DYM: variants seen among roughly 807,000 people sequenced by gnomAD.
DYM encodes dymeclin.
In DYM, 78 loss-of-function variants were observed where a neutral mutation model predicts 93.1. The ratio of observed to expected loss-of-function variants is 0.84; its 90% confidence interval spans 0.70 to 1.01. The LOEUF (loss-of-function observed/expected upper bound fraction) is 1.01. Among genes scored for constraint, DYM ranks in the 50% least tolerant of loss-of-function variants. The pLI is 0.00. For missense variants in DYM, 789 were observed against 845.0 expected (o/e 0.93, Z 0.82); for synonymous variants, 321 against 319.7 (o/e 1.00, Z -0.04).
At chr18:49,157,469 C>T (rs981817504) in intron 15 of DYM, among the ~76,000 whole-genome samples, 1 of 152,170 alleles carries the variant, frequency 6.6e-6, no homozygotes, top group Non-Finnish European at 1.5e-5. Context: ...GTGTTCAATT[C>T]TCATTATTAT....
At chr18:49,144,924 C>G (rs2084916775) in intron 15 of DYM, among the ~76,000 whole-genome samples, 1 of 151,124 alleles carries the variant, frequency 6.6e-6, no homozygotes, top group African/African-American at 2.4e-5. Context: ...CAGTGGGACC[C>G]TGCTGCATTT....
chr18:49,251,233 G>A (rs1397166125), intron 13 of DYM, among the ~76,000 whole-genome samples: 1 of 152,232 alleles, frequency 6.6e-6, no homozygotes, highest in East Asian at 1.9e-4. Context: ...ATACAGCAGT[G>A]TGCAGGGGTG....
intron 15 of DYM, among the ~76,000 whole-genome samples, chr18:49,136,859 T>G (rs953530599): frequency 2.6e-5 from 4 of 152,170 alleles, no homozygotes; most frequent in Non-Finnish European, 4.4e-5. Context: ...TTGCATTTCT[T>G]TAATCCACTC....
chr18:49,333,858 A>G lies in DYM; in HGVS notation c.495-5T>C. 1 of 1,605,310 alleles carries G rather than the reference A, an allele frequency of 6.2e-7. No homozygotes were observed. The highest frequency in any genetic ancestry group is 8.5e-7 in the Non-Finnish European group (1 of 1,173,972). ...GATATTTCATATGTAATATCTCTAA[A>G]ATGGAAGAAAAACAGAGTAACAGTC... On this transcript the variant is annotated splice_region_variant and splice_polypyrimidine_tract_variant and intron_variant, in intron 6 of 17. Transcript: ENST00000675505.
At chr18:49,364,005 CA>C (rs2066287381) in intron 5 of DYM, among the ~76,000 whole-genome samples, 1 of 152,138 alleles carries the variant, frequency 6.6e-6, no homozygotes, top group South Asian at 2.1e-4. Flanking sequence ...TATTTTTAAC[CA>C]ACTTCTTTTT....
At chr18:49,281,886 T>A in intron 10 of DYM, 111 bp downstream of exon 10, 1 of 1,035,922 alleles carries the variant, frequency 9.7e-7, no homozygotes, top group Non-Finnish European at 1.4e-6. Context: ...CACACCAACA[T>A]GGCACATGTA....
At chr18:49,085,579 G>C (rs893265150) in intron 17 of DYM, among the ~76,000 whole-genome samples, 1 of 147,364 alleles carries the variant, frequency 6.8e-6, no homozygotes, top group Non-Finnish European at 1.5e-5. Flanking sequence ...AGTCAAAATT[G>C]AGGCAGATGA....
chr18:49,206,398 A>C (rs2092505387), intron 14 of DYM: 2 of 152,434 alleles, frequency 1.3e-5, no homozygotes, highest in Middle Eastern at 6.8e-3. Context: ...TTTGTTAAGT[A>C]AGTCCATGAT....
chr18:49,192,581 C>G (rs968694701), intron 14 of DYM, among the ~76,000 whole-genome samples: 2 of 152,172 alleles, frequency 1.3e-5, no homozygotes, highest in Non-Finnish European at 2.9e-5. Context: ...CAATTGACCA[C>G]AGTTGCATGG....
chr18:49,238,785 C>G (rs1392961006), intron 13 of DYM, among the ~76,000 whole-genome samples: 2 of 149,714 alleles, frequency 1.3e-5, no homozygotes, highest in Non-Finnish European at 3.0e-5. Flanking sequence ...GAGTAAGACT[C>G]CGTCTCAAAA....
At chr18:49,404,548 G>T (rs550484989) in intron 2 of DYM, among the ~76,000 whole-genome samples, 1 of 152,152 alleles carries the variant, frequency 6.6e-6, no homozygotes, top group Admixed American at 6.5e-5. Context: ...CGATGTATAA[G>T]CACTCCCTTT....
intron 6 of DYM, among the ~76,000 whole-genome samples, chr18:49,342,955 A>G (rs2064280180): frequency 6.6e-6 from 1 of 152,212 alleles, no homozygotes; most frequent in Non-Finnish European, 1.5e-5. Flanking sequence ...ATCATTAAGC[A>G]ATGCATAACT....
intron 2 of DYM, among the ~76,000 whole-genome samples, chr18:49,429,011 G>A (rs1176939952): frequency 2.0e-5 from 3 of 152,220 alleles, no homozygotes; most frequent in African/African-American, 7.2e-5. Flanking sequence ...AGATCAGGAT[G>A]TCAATAAGGC....
intron 17 of DYM, among the ~76,000 whole-genome samples, chr18:49,088,656 T>C (rs1481524027): frequency 6.6e-6 from 1 of 152,054 alleles, no homozygotes; most frequent in Non-Finnish European, 1.5e-5. Context: ...CAACACTGAG[T>C]ACAAATATTG....
intron 17 of DYM, among the ~76,000 whole-genome samples, chr18:49,079,550 G>C (rs1010602919): frequency 8.6e-5 from 13 of 151,846 alleles, no homozygotes; most frequent in African/African-American, 2.9e-4. Flanking sequence ...AGGACCCTGC[G>C]GCCTTCCGCA....
In DYM at chr18:49,266,436, C is replaced by T. The variant is rs773889425; in HGVS notation, c.1251+5742G>A. Among the ~76,000 whole-genome samples, 103 of 152,166 alleles carry T rather than the reference C, an allele frequency of 6.8e-4. 1 individual carries two copies. The highest frequency in any genetic ancestry group is 3.4e-3 in the Middle Eastern group (1 of 294). On this transcript the variant is annotated intron_variant, in intron 11 of 17. Coordinates refer to ENST00000675505, the MANE Select transcript of DYM (RefSeq NM_001353214.3). ...TTTGAGACCAGCCTGGGCAACATGG[C>T]GAAACCCATCTCCACAGAACAAAAA...
At chr18:49,177,184 T>A (rs1371591266) in intron 14 of DYM, among the ~76,000 whole-genome samples, 1 of 152,094 alleles carries the variant, frequency 6.6e-6, no homozygotes, top group Non-Finnish European at 1.5e-5. Flanking sequence ...GACCTCACAG[T>A]GAGTGCAAGA....
At position 49,391,574 on chromosome 18, in the gene DYM, A is replaced by T; in HGVS notation, c.193+19T>A. On this transcript the variant is annotated intron_variant, in intron 3 of 17. Transcript: ENST00000675505. ...ACAAAATTTGAAAACAACACCCCAC[A>T]CACATTTTTCCCACTTACCTAATGA... 1.9e-6 allele frequency: 3 copies of T among 1,612,700 alleles called. No homozygotes were observed. The highest frequency in any genetic ancestry group is 2.5e-6 in the Non-Finnish European group (3 of 1,178,920).
At chr18:49,370,186 G>A (rs1023031255) in intron 5 of DYM, among the ~76,000 whole-genome samples, 1 of 151,340 alleles carries the variant, frequency 6.6e-6, no homozygotes, top group African/African-American at 2.4e-5. Context: ...GCTGAGGCAG[G>A]AGAATTGCAT....
Sources: allele counts gnomAD v4.1 joint callset (sites outside exome capture counted in the v4.1 genomes callset), GRCh38; gene constraint gnomAD v4.1.1; transcripts MANE v1.5; gene names NCBI Gene and HGNC (gene_info 2026-07-23, HGNC 2026-07-21).